CD109: variants seen among roughly 807,000 people sequenced by gnomAD.
CD109 encodes the protein CD109 antigen.
CD109 carries 149 observed loss-of-function variants against 165.8 expected under a neutral mutation model. That is an observed-to-expected ratio of 0.90 (90% CI 0.79 to 1.03). CD109 has a LOEUF of 1.03. Among genes scored for constraint, CD109 ranks in the 50% least tolerant of loss-of-function variants. CD109 has a pLI of 0.00. For synonymous variants in CD109, 585 were observed against 592.1 expected, an observed-to-expected ratio of 0.99 and a Z score of 0.18; for missense variants, 1,712 against 1,677.8, an observed-to-expected ratio of 1.02 and a Z score of -0.36.
At chr6:73,765,816 A>T (rs2150228569) in intron 10 of CD109, 114 bp from the exon 11 acceptor site, 1 of 716,132 alleles carries the variant, frequency 1.4e-6, no homozygotes, top group East Asian at 2.7e-5. Context: ...TGGATATTAT[A>T]GTGCTACCAA....
In CD109 at chr6:73,808,209, G is replaced by A; in HGVS notation, c.3316G>A (p.Glu1106Lys). The A allele has an allele frequency of 6.2e-7, 1 of 1,613,504 alleles. No homozygotes were observed. The highest frequency in any genetic ancestry group is 1.7e-5 in the Admixed American group (1 of 59,984). Residue 1106 changes from glutamate (E) to lysine (K), a missense_variant, in exon 26 of 33, where the codon GAA becomes AAA. By Grantham distance (56) the Glu-to-Lys change is moderately conservative. Transcript: ENST00000287097. ...LSSVGSPKAKEALNMLTWRAE... is the reference protein window; with the variant it reads ...LSSVGSPKAKKALNMLTWRAE... ...ATCAGTGGGGAGTCCTAAAGCGAAG[G>A]AAGCTTTGAATATGCTGACTTGGAG...
Position 73,823,500 on chromosome 6 carries a change from C to A in CD109, c.4205C>A (p.Ser1402Tyr), listed in dbSNP as rs778164380. The part of the protein sequence containing the change: ...VRSYNSEVKL[S>Y]SCDLCSDVQG... The stretch of plus-strand genomic sequence containing the variant: ...AGTTACAACTCTGAAGTGAAGCTGT[C>A]CTCCTGTGACCTTTGCAGTGATGTC... The change falls in exon 33 of 33, where the codon TCC becomes TAC. Residue 1402 changes from serine (S) to tyrosine (Y), a missense_variant. By Grantham distance (144) the Ser-to-Tyr change is moderately radical. Transcript: ENST00000287097. 6.2e-7 allele frequency: 1 copy of A among 1,613,674 alleles called. No homozygotes were observed. The highest frequency in any genetic ancestry group is 1.1e-5 in the South Asian group (1 of 91,018).
Position 73,788,457 on chromosome 6 carries a change from T to A in CD109, c.2557-11T>A. 1 of 1,607,388 alleles carries A rather than the reference T, an allele frequency of 6.2e-7. No individual in the cohort carries two copies. The highest frequency in any genetic ancestry group is 8.5e-7 in the Non-Finnish European group (1 of 1,178,284). On this transcript the variant is annotated splice_polypyrimidine_tract_variant and intron_variant, in intron 21 of 32. Transcript: ENST00000287097. Reference sequence around the variant, plus strand: ...AGAGACCATGTTAATTGTGTTCATTTTTTTCAACAGGCTGAAGGAATAGAA... The same window carrying A: ...AGAGACCATGTTAATTGTGTTCATTATTTTCAACAGGCTGAAGGAATAGAA...
intron 17 of CD109, among the ~76,000 whole-genome samples, chr6:73,781,816 GACAC>G (rs796262663): frequency 3.2e-5 from 2 of 62,908 alleles, no homozygotes; most frequent in Non-Finnish European, 3.2e-5. Context: ...CACACACGCA[GACAC>G]ACACACACAC....
At chr6:73,788,387 T>G in intron 21 of CD109, 81 bp from the exon 22 acceptor site, 1 of 1,246,206 alleles carries the variant, frequency 8.0e-7, no homozygotes, top group Non-Finnish European at 1.1e-6. Context: ...ACAGGTCAGA[T>G]GTTTGTGCTC....
intron 23 of CD109, 98 bp from the exon 24 acceptor site, chr6:73,803,122 T>G: frequency 1.3e-6 from 1 of 794,054 alleles, no homozygotes; most frequent in East Asian, 2.6e-5. Context: ...TCTTTCCCCC[T>G]CTCTGCCCAT....
chr6:73,727,727 A>T (rs951996825), intron 3 of CD109, among the ~76,000 whole-genome samples: 2 of 152,208 alleles, frequency 1.3e-5, no homozygotes, highest in African/African-American at 4.8e-5. Context: ...TGCCACTAAA[A>T]ATGATAAACA....
At position 73,787,468 on chromosome 6, in the gene CD109, C is replaced by G; in HGVS notation, c.2556+16C>G. Reference sequence around the variant, plus strand: ...TTTAGTAAAGGTAAATATTTGATGTCTGAAAGAAGTGAAATGGAAATACGT... The same window carrying G: ...TTTAGTAAAGGTAAATATTTGATGTGTGAAAGAAGTGAAATGGAAATACGT... On this transcript the variant is annotated intron_variant, in intron 21 of 32. Coordinates refer to ENST00000287097, the MANE Select transcript of CD109 (RefSeq NM_133493.5). 6.4e-7 allele frequency: 1 copy of G among 1,565,104 alleles called. No individual in the cohort carries two copies. Among genetic ancestry groups the G allele is most frequent in the Non-Finnish European group, 8.7e-7 (1 of 1,143,168 alleles).
intron 15 of CD109, among the ~76,000 whole-genome samples, chr6:73,780,021 T>C (rs1337094064): frequency 6.6e-6 from 1 of 152,122 alleles, no homozygotes; most frequent in East Asian, 1.9e-4. Context: ...CTTCAGTTTT[T>C]TTTTTTTTTT....
chr6:73,719,964 C>T (rs1771884246), intron 2 of CD109, among the ~76,000 whole-genome samples: 1 of 152,116 alleles, frequency 6.6e-6, no homozygotes, highest in Non-Finnish European at 1.5e-5. Flanking sequence ...TTTCTTCCTA[C>T]AAGGTAAGAT....
In CD109 at chr6:73,771,732, CTG is replaced by C; in HGVS notation, c.1827+153_1827+154del. ...GTAAAGCTTCCAAATAAAAAGTAAT[CTG>C]TATCGTAATGGTTATGTTGGAAAGA... On this transcript the variant is annotated intron_variant, in intron 15 of 32. Transcript: ENST00000287097. 5.6e-6 allele frequency: 3 copies of C among 534,800 alleles called. No individual in the cohort carries two copies. The African/African-American group carries it at 5.9e-5, about 11-fold the overall frequency. The allele number at this position is 534,800 out of a possible 1,614,324, so 33.1% of individuals were successfully genotyped here.
At chr6:73,765,724 C>T (rs926553604) in intron 10 of CD109, among the ~76,000 whole-genome samples, 7 of 152,040 alleles carry the variant, frequency 4.6e-5, no homozygotes, top group South Asian at 2.1e-4. Flanking sequence ...ATTTTGGAGC[C>T]GCGGAAGTTA....
At chr6:73,810,887 C>A in intron 27 of CD109, 105 bp from the exon 28 acceptor site, 1 of 1,130,394 alleles carries the variant, frequency 8.8e-7, no homozygotes, top group Non-Finnish European at 1.3e-6. Flanking sequence ...GCATTCCACT[C>A]TGAAGGAAGG....
At chr6:73,720,160 C>T (rs1351959191) in intron 2 of CD109, among the ~76,000 whole-genome samples, 1 of 151,950 alleles carries the variant, frequency 6.6e-6, no homozygotes, top group Non-Finnish European at 1.5e-5. Context: ...CACTATTCAG[C>T]CATTTTTTTT....
chr6:73,791,198 T>TATATATATACACATACAG (rs1562071152), intron 22 of CD109, among the ~76,000 whole-genome samples: 1 of 103,824 alleles, frequency 9.6e-6, no homozygotes, highest in Non-Finnish European at 1.7e-5. Flanking sequence ...CATACATATA[T>TATATATATACACATACAG]ATATATATAT....
intron 5 of CD109, among the ~76,000 whole-genome samples, chr6:73,736,926 C>G (rs565117917): frequency 6.6e-6 from 1 of 152,180 alleles, no homozygotes; most frequent in Non-Finnish European, 1.5e-5. Context: ...ACTTAAATAG[C>G]TACACCGACT....
At chr6:73,709,280 G>T (rs182834938) in intron 2 of CD109, among the ~76,000 whole-genome samples, 2,542 of 152,190 alleles carry the variant, frequency 0.017, 81 homozygotes, top group African/African-American at 0.052. Context: ...TTTCTTGTTT[G>T]TGTCAGGTTT....
Position 73,736,523 on chromosome 6 carries a change from A to G in CD109, c.633+15A>G. 2 of 1,600,206 alleles carry G rather than the reference A, an allele frequency of 1.2e-6. No individual in the cohort carries two copies. The highest frequency in any genetic ancestry group is 1.7e-6 in the Non-Finnish European group (2 of 1,173,886). ...TTCAAGTGAATGTGAGTATAAATATATTTTTTGGGGGGAATGTTAAAGTGA... is the reference window on the plus strand; with the variant it reads ...TTCAAGTGAATGTGAGTATAAATATGTTTTTTGGGGGGAATGTTAAAGTGA... On this transcript the variant is annotated intron_variant, in intron 5 of 32. Transcript: ENST00000287097.
In CD109 at chr6:73,825,074, T is replaced by C. The variant is rs1413778966; in HGVS notation, c.*1441T>C. The C allele has an allele frequency of 6.6e-6, 1 of 152,210 alleles. No homozygotes were observed. Among genetic ancestry groups the C allele is most frequent in the Non-Finnish European group, 1.5e-5 (1 of 68,036 alleles). 9.4% of individuals were successfully genotyped at this position (152,210 alleles called of 1,614,324 possible). On this transcript the variant is annotated 3_prime_UTR_variant, in exon 33 of 33. Transcript: ENST00000287097. ...ATGCAAATGTATCTTTTAAAGTTAA[T>C]TTTTAAAAATGCTCTTATTTTAGTG...
Sources: gnomAD v4.1 joint callset for allele counts (sites outside exome capture counted in the v4.1 genomes callset) on GRCh38, gnomAD v4.1.1 for gene constraint, MANE v1.5 for transcripts, NCBI Gene and HGNC (gene_info 2026-07-23, HGNC 2026-07-21) for gene names.